FAM163A: variants seen among roughly 807,000 people sequenced by gnomAD.
FAM163A encodes the protein family with sequence similarity 163 member A.
FAM163A carries 7 observed loss-of-function variants against 12.0 expected under a neutral mutation model. The observed-to-expected ratio is 0.58, with a 90% CI of 0.33 to 1.10. FAM163A has a LOEUF of 1.10. Ranked by LOEUF, FAM163A falls within the 50% of genes least tolerant of loss-of-function variation. The pLI, the probability that FAM163A is intolerant of heterozygous loss-of-function variation, is 0.03. For missense variants in FAM163A, 202 were observed against 218.6 expected (o/e 0.92, Z 0.48); for synonymous variants, 101 against 91.0 (o/e 1.11, Z -0.62).
At chr1:179,799,259 G>T (rs1479304406) in intron 1 of FAM163A, among the ~76,000 whole-genome samples, 1 of 152,214 alleles carries the variant, frequency 6.6e-6, no homozygotes, top group Non-Finnish European at 1.5e-5. Flanking sequence ...AACAATCAAG[G>T]ACAGATAGGG....
intron 1 of FAM163A, among the ~76,000 whole-genome samples, chr1:179,801,562 C>T (rs1193073578): frequency 2.6e-5 from 4 of 152,234 alleles, no homozygotes; most frequent in African/African-American, 7.2e-5. Flanking sequence ...CCCAGGTAAT[C>T]CTCACCCTGT....
At chr1:179,761,514 A>G (rs1282057870) in intron 1 of FAM163A, among the ~76,000 whole-genome samples, 1 of 152,224 alleles carries the variant, frequency 6.6e-6, no homozygotes, top group Non-Finnish European at 1.5e-5. Flanking sequence ...TGTTACTACG[A>G]CAGCCGGTAG....
At chr1:179,788,188 C>G (rs1455449233) in intron 1 of FAM163A, among the ~76,000 whole-genome samples, 2 of 152,220 alleles carry the variant, frequency 1.3e-5, no homozygotes, top group Non-Finnish European at 2.9e-5. Flanking sequence ...CCCTGCTCCT[C>G]TAGTCTCCAG....
chr1:179,795,333 C>T (rs1692134023), intron 1 of FAM163A, among the ~76,000 whole-genome samples: 1 of 152,176 alleles, frequency 6.6e-6, no homozygotes, highest in Admixed American at 6.5e-5. Context: ...AATGTGTCCC[C>T]CAAAAGTTCA....
intron 1 of FAM163A, among the ~76,000 whole-genome samples, chr1:179,780,325 G>A (rs1689541082): frequency 6.6e-6 from 1 of 152,198 alleles, no homozygotes; most frequent in Admixed American, 6.5e-5. Flanking sequence ...TACTGATCTT[G>A]GCTCCCAAGT....
intron 1 of FAM163A, among the ~76,000 whole-genome samples, chr1:179,790,348 T>G (rs1458965099): frequency 6.6e-6 from 1 of 151,212 alleles, no homozygotes; most frequent in Non-Finnish European, 1.5e-5. Flanking sequence ...TCTCCCCATA[T>G]TACAGATTTT....
chr1:179,758,253 C>T (rs1157374139), intron 1 of FAM163A, among the ~76,000 whole-genome samples: 1 of 152,132 alleles, frequency 6.6e-6, no homozygotes, highest in East Asian at 1.9e-4. Context: ...AGCACAAAGT[C>T]ATATAGACTT....
intron 2 of FAM163A, among the ~76,000 whole-genome samples, chr1:179,808,760 A>T (rs1371317476): frequency 6.6e-6 from 1 of 152,232 alleles, no homozygotes; most frequent in Admixed American, 6.5e-5. Flanking sequence ...GGCAGTGACC[A>T]CTTGGGCCAT....
At chr1:179,791,467 G>A (rs190645028) in intron 1 of FAM163A, among the ~76,000 whole-genome samples, 3 of 152,194 alleles carry the variant, frequency 2.0e-5, no homozygotes, top group African/African-American at 7.2e-5. Context: ...GGGGACAGGG[G>A]ATGGAACCTG....
intron 1 of FAM163A, among the ~76,000 whole-genome samples, chr1:179,752,185 T>C (rs1461291053): frequency 6.6e-6 from 1 of 152,064 alleles, no homozygotes; most frequent in African/African-American, 2.4e-5. Flanking sequence ...GTGCCAAGAA[T>C]ACGCAAAGTG....
the FAM163A span, among the ~76,000 whole-genome samples, chr1:179,734,738 G>A: frequency 6.6e-6 from 1 of 152,168 alleles, no homozygotes; most frequent in African/African-American, 2.4e-5. Context: ...TAGGTAGGGG[G>A]TACATAAACA....
In FAM163A at chr1:179,813,785, T is replaced by C; in HGVS notation, c.100T>C (p.Cys34Arg). 1 of 1,613,908 alleles carries C rather than the reference T, an allele frequency of 6.2e-7. No homozygotes were observed. Among genetic ancestry groups the C allele is most frequent in the Non-Finnish European group, 8.5e-7 (1 of 1,180,010 alleles). ...CCTCTGCCCTTCCGCACAGTATTAC[T>C]GCTGCAAGAAGAGCGGAACCGAGGT... ...VLCYCRLQYY[C>R]CKKSGTEVAD... Residue 34 changes from cysteine (C) to arginine (R), a missense_variant, in exon 5 of 5, where the codon TGC becomes CGC. By Grantham distance (180) the Cys-to-Arg change is radical. Transcript: ENST00000341785.
chr1:179,750,855 C>G (rs1383048064), intron 1 of FAM163A, among the ~76,000 whole-genome samples: 1 of 152,124 alleles, frequency 6.6e-6, no homozygotes, highest in Non-Finnish European at 1.5e-5. Flanking sequence ...GTTGTTTAGA[C>G]TGGAAAGTTT....
At chr1:179,793,347 A>G (rs1383181462) in intron 1 of FAM163A, among the ~76,000 whole-genome samples, 1 of 152,230 alleles carries the variant, frequency 6.6e-6, no homozygotes, top group Admixed American at 6.5e-5. Flanking sequence ...CTTATTTGAA[A>G]GCAGGTTATA....
intron 1 of FAM163A, among the ~76,000 whole-genome samples, chr1:179,806,320 A>G (rs1198489455): frequency 1.3e-5 from 2 of 152,196 alleles, no homozygotes; most frequent in Non-Finnish European, 2.9e-5. Context: ...TAAACTCTAC[A>G]TCACAGGTTA....
chr1:179,795,817 C>T (rs925966263), intron 1 of FAM163A, among the ~76,000 whole-genome samples: 28 of 152,118 alleles, frequency 1.8e-4, no homozygotes, highest in African/African-American at 6.8e-4. Flanking sequence ...ATCACTATCT[C>T]CTTTTGTCTT....
intron 1 of FAM163A, among the ~76,000 whole-genome samples, chr1:179,799,963 C>T (rs1692926593): frequency 6.6e-6 from 1 of 152,222 alleles, no homozygotes; most frequent in Admixed American, 6.5e-5. Context: ...GCTTGAGGTG[C>T]TGTGTGACAC....
upstream of FAM163A, among the ~76,000 whole-genome samples, chr1:179,740,262 TCC>T (rs1683477165): frequency 6.6e-6 from 1 of 152,164 alleles, no homozygotes; most frequent in African/African-American, 2.4e-5. Flanking sequence ...TACTGCAGCC[TCC>T]AACTCCTGGG....
intron 1 of FAM163A, among the ~76,000 whole-genome samples, chr1:179,783,911 G>T (rs1690218570): frequency 6.8e-6 from 1 of 146,826 alleles, no homozygotes; most frequent in South Asian, 2.2e-4. Flanking sequence ...TTCCTGATGG[G>T]ATACACTAGT....
Sources: gnomAD v4.1 joint callset for allele counts (sites outside exome capture counted in the v4.1 genomes callset) on GRCh38, gnomAD v4.1.1 for gene constraint, MANE v1.5 for transcripts, NCBI Gene and HGNC (gene_info 2026-07-23, HGNC 2026-07-21) for gene names.